The following BCAN variants were observed in gnomAD, a reference collection of about 807,000 sequenced individuals.
BCAN encodes brevican core protein.
BCAN carries 51 observed loss-of-function variants against 92.4 expected under a neutral mutation model. That is an observed-to-expected ratio of 0.55 (90% confidence interval 0.44 to 0.70). The LOEUF is 0.70. BCAN is among the 30% of genes least tolerant of loss of function. The pLI is 0.00. For synonymous variants in BCAN, 501 were observed against 505.2 expected, an observed-to-expected ratio of 0.99 and a Z score of 0.11; for missense variants, 1,140 against 1,212.1, an observed-to-expected ratio of 0.94 and a Z score of 0.88.
At chr1:156,651,801 T>G (rs1679174831) in intron 7 of BCAN, 112 bp downstream of exon 7, 1 of 995,902 alleles carries the variant, frequency 1.0e-6, no homozygotes, top group Non-Finnish European at 1.5e-6. Flanking sequence ...GCCCTGTCCT[T>G]TCTCAGTAGC....
intron 8 of BCAN, among the ~76,000 whole-genome samples, chr1:156,654,183 G>A (rs1483307603): frequency 6.6e-6 from 1 of 152,204 alleles, no homozygotes; most frequent in Non-Finnish European, 1.5e-5. Flanking sequence ...AAGGAATCAG[G>A]TTCTGGGGTC....
intron 6 of BCAN, 40 bp downstream of exon 6, chr1:156,648,901 A>G: frequency 6.6e-7 from 1 of 1,521,822 alleles, no homozygotes; most frequent in South Asian, 1.3e-5. Flanking sequence ...CCAATCTCAG[A>G]AAGGCAGAGT....
chr1:156,657,117 G>C (rs770141873), intron 10 of BCAN, 21 bp downstream of exon 10: 23 of 1,604,652 alleles, frequency 1.4e-5, no homozygotes, highest in Middle Eastern at 3.3e-4. Flanking sequence ...AGACAGGGCG[G>C]GAGGGGCCCC....
In BCAN at chr1:156,647,849, C is replaced by T. The variant is rs774127283; in HGVS notation, c.642-134C>T. 2 of 1,537,956 alleles carry T rather than the reference C, an allele frequency of 1.3e-6. No homozygotes were observed. The highest frequency in any genetic ancestry group is 1.4e-5 in the African/African-American group (1 of 73,230). The stretch of plus-strand genomic sequence containing the variant: ...GGTGAGGACCCTGAGCATGTGCATC[C>T]CTGCAGTGCTAGAAGGACAGCCAGC... On this transcript the variant is annotated intron_variant, in intron 4 of 13. Coordinates refer to ENST00000329117, the MANE Select transcript of BCAN (RefSeq NM_021948.5). The surrounding 1 kb of genome is among the most constrained non-coding windows in gnomAD (Gnocchi z 4.8).
At chr1:156,650,745 T>G (rs1417114483) in intron 6 of BCAN, among the ~76,000 whole-genome samples, 1 of 152,002 alleles carries the variant, frequency 6.6e-6, no homozygotes, top group Non-Finnish European at 1.5e-5. Flanking sequence ...GAGTTCGAGA[T>G]CAGCCTGGCA....
chr1:156,647,938 C>A lies in BCAN; in HGVS notation c.642-45C>A. 6.2e-7 allele frequency: 1 copy of A among 1,608,658 alleles called. No homozygotes were observed. Among genetic ancestry groups the A allele is most frequent in the African/African-American group, 1.3e-5 (1 of 74,928 alleles). On this transcript the variant is annotated intron_variant, in intron 4 of 13. Transcript: ENST00000329117. This position sits in a 1 kb window ranked among gnomAD's most constrained non-coding sequence, Gnocchi z 4.8. ...AATAGAATCAATATGGGCTGGCTCC[C>A]TGGTGAAAGCATCTGTACTAAGTGA...
Position 156,647,052 on chromosome 1 carries a change from G to T in BCAN, c.343G>T (p.Ala115Ser), listed in dbSNP as rs748805962. 6.2e-7 allele frequency: 1 copy of T among 1,611,730 alleles called. No homozygotes were observed. Among genetic ancestry groups the T allele is most frequent in the South Asian group, 1.1e-5 (1 of 90,998 alleles). Residue 115 changes from alanine to serine, a missense_variant, in exon 3 of 14, where the codon GCG becomes TCG. Around this residue, in one of 3 missense-constraint regions of BCAN, gnomAD observed 286 missense variants for 284.1 expected, o/e 1.01. Transcript: ENST00000329117. The surrounding 1 kb of genome is among the most constrained non-coding windows in gnomAD (Gnocchi z 4.8). ...RFRVALPAYP[A>S]SLTDVSLALS... The stretch of plus-strand genomic sequence containing the variant: ...CCGCGTGGCACTGCCTGCGTACCCA[G>T]CGTCGCTCACCGACGTCTCCCTGGC...
chr1:156,653,399 G>A (rs1365864949), intron 8 of BCAN: 2 of 1,001,204 alleles, frequency 2.0e-6, no homozygotes, highest in Admixed American at 5.7e-5. Flanking sequence ...AACTACTTCT[G>A]TGAAGTATTT....
In BCAN at chr1:156,659,130, C is replaced by T; in HGVS notation, c.2732C>T (p.Pro911Leu). 2 of 1,572,278 alleles carry T rather than the reference C, an allele frequency of 1.3e-6. No homozygotes were observed. ...CCCCCTTCCAGCCCCATGCCAGGTC[C>T]CTAGGGGGCAAGGCCTTGAACACTG... ...LIPPSSPMPG[P>L] is the part of the protein sequence containing the mutation. The change falls in exon 14 of 14, where the codon CCC becomes CTC. Residue 911 changes from proline to leucine, a missense_variant. Coordinates refer to ENST00000329117, the MANE Select transcript of BCAN (RefSeq NM_021948.5).
At chr1:156,652,168 A>G (rs757377910) in intron 7 of BCAN, 80 bp from the exon 8 acceptor site, 115 of 1,512,096 alleles carry the variant, frequency 7.6e-5, no homozygotes, top group Admixed American at 8.9e-5. Flanking sequence ...CCTGAGCCCT[A>G]CTTTTCTCCC....
Position 156,659,173 on chromosome 1 carries a change from C to G in BCAN, c.*39C>G. The G allele has an allele frequency of 6.8e-7, 1 of 1,472,882 alleles. No homozygotes were observed. The highest frequency in any genetic ancestry group is 9.1e-7 in the Non-Finnish European group (1 of 1,097,742). The allele number at this position is 1,472,882 out of a possible 1,614,324, so 91.2% of individuals were successfully genotyped here. A position where few individuals can be genotyped will look rare whatever the true frequency, so the allele number is the denominator to read the frequency against. Reference sequence around the variant, plus strand: ...GAACACTGCCGGCCACAGCACTGCCCTGTCACCCAAATTTTCCCTCACACC... The same window carrying G: ...GAACACTGCCGGCCACAGCACTGCCGTGTCACCCAAATTTTCCCTCACACC... On this transcript the variant is annotated 3_prime_UTR_variant, in exon 14 of 14. Transcript: ENST00000329117.
intron 2 of BCAN, 85 bp from the exon 3 acceptor site, chr1:156,646,716 G>A: frequency 1.3e-6 from 2 of 1,494,284 alleles, no homozygotes; most frequent in Middle Eastern, 2.6e-4. Flanking sequence ...CGGAAGGAGG[G>A]ATCCTGGAGC....
At chr1:156,655,237 A>C (rs1371185258) in intron 8 of BCAN, among the ~76,000 whole-genome samples, 2 of 152,238 alleles carry the variant, frequency 1.3e-5, no homozygotes, top group East Asian at 3.8e-4. Flanking sequence ...GCACCCAAGC[A>C]CATCCTAAGG....
At chr1:156,646,755 T>A in intron 2 of BCAN, 46 bp from the exon 3 acceptor site, 1 of 1,511,388 alleles carries the variant, frequency 6.6e-7, no homozygotes, top group Non-Finnish European at 8.8e-7. Flanking sequence ...GGTGGGACTC[T>A]GAGGGTCGAC....
Position 156,656,954 on chromosome 1 carries a change from C to T in BCAN, c.2067C>T (p.Asn689=), listed in dbSNP as rs764923362. The T allele has an allele frequency of 3.1e-6, 5 of 1,613,806 alleles. No homozygotes were observed. The highest frequency in any genetic ancestry group is 3.4e-6 in the Non-Finnish European group (4 of 1,179,826). ...GTGCCGCAGGCCTCCGCTTCTGCAA[C>T]CCCGGCTGGGACGCCTTCCAGGGCG... ...DLCDVGLRFC[N]PGWDAFQGAC... The change falls in exon 10 of 14, where the codon AAC becomes AAT. Residue 689 remains asparagine, a synonymous_variant. Transcript: ENST00000329117.
chr1:156,658,937 C>T lies in BCAN; in HGVS notation c.2629-90C>T, dbSNP rs1393666173. Reference sequence around the variant, plus strand: ...ATAACATGCAGCCCCATTCTGGGCTCTTACGGGCTGAGCAAGAACATCAGA... The same window carrying T: ...ATAACATGCAGCCCCATTCTGGGCTTTTACGGGCTGAGCAAGAACATCAGA... On this transcript the variant is annotated intron_variant, in intron 13 of 13. Transcript: ENST00000329117. The surrounding 1 kb of genome is among the most constrained non-coding windows in gnomAD (Gnocchi z 4.4). 5.8e-6 allele frequency: 8 copies of T among 1,378,644 alleles called. No individual in the cohort carries two copies. Among genetic ancestry groups the T allele is most frequent in the South Asian group, 1.2e-5 (1 of 80,392 alleles). 85.4% of individuals were successfully genotyped at this position (1,378,644 alleles called of 1,614,324 possible).
Position 156,646,083 on chromosome 1 carries a change from C to T in BCAN, c.29C>T (p.Ala10Val). Reference sequence around the variant, plus strand: ...GCCCAGCTGTTCCTGCCCCTGCTGGCAGCCCTGGTCCTGGCCCAGGCTCCT... The same window carrying T: ...GCCCAGCTGTTCCTGCCCCTGCTGGTAGCCCTGGTCCTGGCCCAGGCTCCT... MAQLFLPLL[A>V]ALVLAQAPAA... is the part of the protein sequence containing the mutation. Residue 10 changes from alanine (A) to valine (V), a missense_variant, in exon 2 of 14, where the codon GCA becomes GTA. Physicochemically the swap from Ala to Val is moderately conservative, Grantham distance 64 (BLOSUM62 0). Coordinates refer to ENST00000329117, the MANE Select transcript of BCAN (RefSeq NM_021948.5). The T allele has an allele frequency of 6.2e-7, 1 of 1,613,628 alleles. No individual in the cohort carries two copies. Among genetic ancestry groups the T allele is most frequent in the South Asian group, 1.1e-5 (1 of 91,060 alleles).
rs767484567 is a variant in BCAN, at chr1:156,659,049, AG to A, written c.2653del (p.Asp885ThrfsTer17). On this transcript the variant is annotated frameshift_variant, in exon 14 of 14. Coordinates refer to ENST00000329117, the MANE Select transcript of BCAN (RefSeq NM_021948.5). LOFTEE classifies it low-confidence loss of function (END_TRUNC). The part of the protein sequence containing the change: ...RRPARALHPE[E>X]DPEGRQGRLL... ...CAGGCCCGAGCTCTGCACCCAGAGG[AG>A]GACCCAGAAGGACGTCAGGGGAGGC... 1.5e-5 allele frequency: 24 copies of A among 1,601,390 alleles called. No individual in the cohort carries two copies. In the South Asian group the frequency reaches 2.6e-4, roughly 17 times the overall value.
intron 7 of BCAN, 49 bp from the exon 8 acceptor site, chr1:156,652,199 C>G (rs1410982931): frequency 6.5e-7 from 1 of 1,536,630 alleles, no homozygotes; most frequent in Non-Finnish European, 8.7e-7. Context: ...TCCTTTCGGT[C>G]CTTGGACAGA....
Sources: allele counts gnomAD v4.1 joint callset (sites outside exome capture counted in the v4.1 genomes callset), GRCh38; gene constraint gnomAD v4.1.1; regional missense constraint gnomAD v4.1.1; non-coding constraint Gnocchi (gnomAD v3.1); transcripts MANE v1.5; gene names NCBI Gene and HGNC (gene_info 2026-07-23, HGNC 2026-07-21).